MAPK8: variants seen among roughly 807,000 people sequenced by gnomAD.
MAPK8 encodes mitogen-activated protein kinase 8.
Under a neutral mutation model 52.9 loss-of-function variants are expected in MAPK8, and 13 were observed. That is an observed-to-expected ratio of 0.25 (90% CI 0.16 to 0.39). The LOEUF (loss-of-function observed/expected upper bound fraction) is 0.39. Ranked by LOEUF, MAPK8 falls within the 10% of genes least tolerant of loss-of-function variation. The pLI is 1.00. For synonymous variants in MAPK8, 191 were observed against 169.8 expected, an observed-to-expected ratio of 1.12 and a Z score of -0.97; for missense variants, 300 against 519.2, an observed-to-expected ratio of 0.58 and a Z score of 4.10.
At chr10:48,351,575 A>C (rs1212621094) in intron 1 of MAPK8, among the ~76,000 whole-genome samples, 1 of 152,186 alleles carries the variant, frequency 6.6e-6, no homozygotes, top group African/African-American at 2.4e-5. Context: ...CATGCTTGAA[A>C]TAAATTAAAA....
chr10:48,429,350 G>A (rs992474906), intron 10 of MAPK8, among the ~76,000 whole-genome samples: 1 of 152,144 alleles, frequency 6.6e-6, no homozygotes, highest in Non-Finnish European at 1.5e-5. Flanking sequence ...TTTGTATAAG[G>A]ATATATTTGG....
At chr10:48,367,730 A>G (rs944106340) in intron 1 of MAPK8, among the ~76,000 whole-genome samples, 4 of 152,206 alleles carry the variant, frequency 2.6e-5, no homozygotes, top group South Asian at 2.1e-4. Flanking sequence ...TTTTAGTTCA[A>G]TGTTTTAAAA....
chr10:48,432,771 G>A (rs1296652388), intron 11 of MAPK8, among the ~76,000 whole-genome samples: 1 of 152,148 alleles, frequency 6.6e-6, no homozygotes, highest in Admixed American at 6.5e-5. Flanking sequence ...TTGAATCTTA[G>A]TCCAGCACTT....
intron 1 of MAPK8, among the ~76,000 whole-genome samples, chr10:48,316,575 T>C (rs532467621): frequency 7.2e-5 from 11 of 152,226 alleles, no homozygotes; most frequent in Admixed American, 3.3e-4. Context: ...GGTCAAGATA[T>C]GAGAAGTATG....
At chr10:48,431,748 T>G (rs1367902676) in intron 11 of MAPK8, among the ~76,000 whole-genome samples, 1 of 152,212 alleles carries the variant, frequency 6.6e-6, no homozygotes, top group African/African-American at 2.4e-5. Flanking sequence ...AGAAGAAAAC[T>G]GGGTTTGTAG....
chr10:48,363,940 A>C (rs1320312012), intron 1 of MAPK8, among the ~76,000 whole-genome samples: 1 of 152,220 alleles, frequency 6.6e-6, no homozygotes, highest in Admixed American at 6.5e-5. Context: ...AGTGCTTAGA[A>C]GATTTTGTTT....
At chr10:48,366,610 A>G (rs1046109781) in intron 1 of MAPK8, among the ~76,000 whole-genome samples, 2 of 152,214 alleles carry the variant, frequency 1.3e-5, no homozygotes, top group African/African-American at 4.8e-5. Context: ...CTGATTGAAC[A>G]GTATAAAAAT....
intron 2 of MAPK8, among the ~76,000 whole-genome samples, chr10:48,403,862 C>T (rs943644294): frequency 6.6e-6 from 1 of 151,644 alleles, no homozygotes; most frequent in African/African-American, 2.4e-5. Flanking sequence ...CATTCTCCCG[C>T]CTCAGCCTCC....
rs754880427 is a variant in MAPK8 at position 48,323,045 on chromosome 10, A to G, written c.-50+16224A>G. On this transcript the variant is annotated intron_variant, in intron 1 of 11. Coordinates refer to ENST00000374189, the MANE Select transcript of MAPK8 (RefSeq NM_001323329.2). ...AAGATTCTCTGTTTGAAATTGTAGT[A>G]TATGTGGTTTCAGTTTTTCCTGAGG... is the stretch of plus-strand genomic sequence containing the variant. Among the ~76,000 whole-genome samples, 35 of 152,076 alleles carry G rather than the reference A, an allele frequency of 2.3e-4. 1 individual carries two copies. The highest frequency in any genetic ancestry group is 4.3e-4 in the Non-Finnish European group (29 of 68,010).
At chr10:48,351,098 C>G (rs913624430) in intron 1 of MAPK8, among the ~76,000 whole-genome samples, 1 of 152,062 alleles carries the variant, frequency 6.6e-6, no homozygotes, top group East Asian at 1.9e-4. Flanking sequence ...CTGCCAGCCA[C>G]TGCTCAAGGA....
Position 48,434,756 on chromosome 10 carries a change from C to T in MAPK8, c.1139-128C>T, listed in dbSNP as rs542395136. 1.1e-3 allele frequency: 729 copies of T among 647,064 alleles called. 1 individual carries two copies. Among genetic ancestry groups the T allele is most frequent in the Middle Eastern group, 2.3e-3 (7 of 3,054 alleles). The allele number at this position is 647,064 out of a possible 1,614,324, so 40.1% of individuals were successfully genotyped here. On this transcript the variant is annotated intron_variant, in intron 11 of 11. Coordinates refer to ENST00000374189, the MANE Select transcript of MAPK8 (RefSeq NM_001323329.2). ...AAGTTAGTGTGTTGGATATCATTTGCGATTATTTTTAGTGAGCCTTCGAAA... is the reference window on the plus strand; with the variant it reads ...AAGTTAGTGTGTTGGATATCATTTGTGATTATTTTTAGTGAGCCTTCGAAA...
intron 1 of MAPK8, among the ~76,000 whole-genome samples, chr10:48,313,133 G>T (rs1842132928): frequency 6.6e-6 from 1 of 152,126 alleles, no homozygotes; most frequent in African/African-American, 2.4e-5. Flanking sequence ...TAACATTTCT[G>T]TAAAAAATAC....
intron 1 of MAPK8, among the ~76,000 whole-genome samples, chr10:48,375,843 C>G (rs748123784): frequency 1.1e-4 from 16 of 152,134 alleles, no homozygotes; most frequent in Middle Eastern, 3.2e-3. Context: ...ATTGATATCC[C>G]CATCAAAGTA....
At chr10:48,388,800 A>G (rs563143694) in intron 1 of MAPK8, among the ~76,000 whole-genome samples, 6 of 152,282 alleles carry the variant, frequency 3.9e-5, no homozygotes, top group African/African-American at 1.4e-4. Context: ...CTGTAGTACA[A>G]TGCTCAGACC....
At chr10:48,321,153 A>AG (rs1842962865) in intron 1 of MAPK8, among the ~76,000 whole-genome samples, 1 of 136,672 alleles carries the variant, frequency 7.3e-6, no homozygotes, top group Non-Finnish European at 1.5e-5. Flanking sequence ...CCTGGAGTGC[A>AG]GTGATGCAAC....
chr10:48,348,280 G>T (rs1845979503), intron 1 of MAPK8, among the ~76,000 whole-genome samples: 2 of 152,158 alleles, frequency 1.3e-5, no homozygotes, highest in South Asian at 4.1e-4. Flanking sequence ...GTAGATTCTG[G>T]ATATTAGCCC....
intron 11 of MAPK8, 54 bp from the exon 12 acceptor site, chr10:48,434,830 G>C (rs571083800): frequency 2.0e-6 from 3 of 1,517,654 alleles, no homozygotes; most frequent in South Asian, 2.6e-5. Context: ...AGTGCAAGTA[G>C]CTTGATCTGC....
intron 5 of MAPK8, among the ~76,000 whole-genome samples, chr10:48,416,312 T>C (rs76450348): frequency 0.011 from 1,694 of 152,292 alleles, 36 homozygotes; most frequent in African/African-American, 0.039. Flanking sequence ...TGCTTGGAAG[T>C]GACACACATG....
At chr10:48,348,342 A>C (rs188109037) in intron 1 of MAPK8, among the ~76,000 whole-genome samples, 2 of 152,120 alleles carry the variant, frequency 1.3e-5, no homozygotes, top group African/African-American at 2.4e-5. Context: ...TAGGTTGTCT[A>C]TTCACTCTGA....
Sources: allele counts gnomAD v4.1 joint callset (sites outside exome capture counted in the v4.1 genomes callset), GRCh38; gene constraint gnomAD v4.1.1; transcripts MANE v1.5; gene names NCBI Gene and HGNC (gene_info 2026-07-23, HGNC 2026-07-21).